Variants in FBXL17 observed in about 807,000 individuals in gnomAD.
The protein encoded by FBXL17 is F-box/LRR-repeat protein 17.
In FBXL17, 22 loss-of-function variants were observed where a neutral mutation model predicts 66.2. That is an observed-to-expected ratio of 0.33 (90% CI 0.24 to 0.47). The LOEUF (loss-of-function observed/expected upper bound fraction) is 0.47. FBXL17 is among the 20% of genes least tolerant of loss of function. The pLI is 1.00. For synonymous variants in FBXL17, 474 were observed against 400.5 expected (o/e 1.18, Z -2.19); for missense variants, 878 against 948.2 (o/e 0.93, Z 0.97).
At chr5:108,061,790 T>A (rs1299339252) in intron 6 of FBXL17, among the ~76,000 whole-genome samples, 1 of 152,032 alleles carries the variant, frequency 6.6e-6, no homozygotes, top group Non-Finnish European at 1.5e-5. Flanking sequence ...CACAGGTATA[T>A]ATATTTAATT....
chr5:108,024,964 G>A (rs1754744011), intron 6 of FBXL17, among the ~76,000 whole-genome samples: 1 of 152,148 alleles, frequency 6.6e-6, no homozygotes. Context: ...GAATTAAGCT[G>A]TGTAAGCTTC....
chr5:107,985,964 T>C (rs1008290486), intron 7 of FBXL17, among the ~76,000 whole-genome samples: 6 of 152,166 alleles, frequency 3.9e-5, no homozygotes, highest in African/African-American at 1.4e-4. Context: ...TTCTGTAGAC[T>C]ATTGTCAATG....
chr5:108,003,233 T>C (rs1188744216), intron 7 of FBXL17, among the ~76,000 whole-genome samples: 2 of 152,110 alleles, frequency 1.3e-5, no homozygotes, highest in Admixed American at 6.6e-5. Context: ...ATCACATGAA[T>C]ATGGAGTGTG....
rs535770165 is a variant in FBXL17 at position 108,365,836 on chromosome 5, A to G, written c.1117-841T>C. Among the ~76,000 whole-genome samples, 9 of 152,198 alleles carry G rather than the reference A, an allele frequency of 5.9e-5. No individual in the cohort carries two copies. In the South Asian group the frequency reaches 1.9e-3, roughly 32 times the overall value. On this transcript the variant is annotated intron_variant, in intron 2 of 8. Coordinates refer to ENST00000542267, the MANE Select transcript of FBXL17 (RefSeq NM_001163315.3). ...AGTGTGGAAAAACTCCACATATTTG[A>G]TGTCAGAAGTGGTATCAGAAAACAC...
intron 7 of FBXL17, among the ~76,000 whole-genome samples, chr5:107,905,043 G>A (rs916587846): frequency 6.6e-6 from 1 of 151,530 alleles, no homozygotes; most frequent in Admixed American, 6.6e-5. Context: ...AAACAGGGCA[G>A]CTGAACTTTT....
intron 6 of FBXL17, among the ~76,000 whole-genome samples, chr5:108,132,972 T>G (rs978870234): frequency 6.6e-6 from 1 of 152,134 alleles, no homozygotes; most frequent in African/African-American, 2.4e-5. Flanking sequence ...AAAATAAGAA[T>G]TTTAAGGGCC....
At chr5:108,016,670 T>A (rs1311290173) in intron 7 of FBXL17, among the ~76,000 whole-genome samples, 1 of 152,206 alleles carries the variant, frequency 6.6e-6, no homozygotes, top group Non-Finnish European at 1.5e-5. Flanking sequence ...GAAATACCAC[T>A]TCCTCCACAG....
At chr5:108,343,842 T>A (rs1214056537) in intron 4 of FBXL17, among the ~76,000 whole-genome samples, 2 of 152,140 alleles carry the variant, frequency 1.3e-5, no homozygotes, top group African/African-American at 2.4e-5. Context: ...ACAGCCCAAT[T>A]CAAATTAGTA....
intron 4 of FBXL17, among the ~76,000 whole-genome samples, chr5:108,239,653 C>T (rs1161572592): frequency 1.3e-5 from 2 of 152,136 alleles, no homozygotes; most frequent in Non-Finnish European, 2.9e-5. Context: ...AATTCCTAAG[C>T]AAGTCTTGTG....
At chr5:108,238,755 G>C (rs1029511407) in intron 4 of FBXL17, among the ~76,000 whole-genome samples, 1 of 152,026 alleles carries the variant, frequency 6.6e-6, no homozygotes, top group Non-Finnish European at 1.5e-5. Context: ...AAGCAATCCA[G>C]CTGCCTCAGC....
intron 8 of FBXL17, among the ~76,000 whole-genome samples, chr5:107,867,615 T>C (rs777426501): frequency 6.6e-6 from 1 of 152,248 alleles, no homozygotes; most frequent in East Asian, 1.9e-4. Flanking sequence ...TTTAATGTCA[T>C]AGTTATCTGA....
intron 6 of FBXL17, among the ~76,000 whole-genome samples, chr5:108,083,250 C>CACACACACACACACAGAG (rs369652150): frequency 3.4e-5 from 5 of 145,582 alleles, no homozygotes; most frequent in African/African-American, 1.3e-4. Context: ...CACACACACA[C>CACACACACACACACAGAG]AGAGAGAGAG....
At chr5:108,064,662 T>A (rs1233249767) in intron 6 of FBXL17, among the ~76,000 whole-genome samples, 2 of 152,226 alleles carry the variant, frequency 1.3e-5, no homozygotes, top group African/African-American at 4.8e-5. Context: ...AATTTTAGAA[T>A]AAAACATTAT....
intron 7 of FBXL17, among the ~76,000 whole-genome samples, chr5:107,903,506 T>G (rs901835634): frequency 5.9e-5 from 9 of 152,156 alleles, no homozygotes; most frequent in Non-Finnish European, 1.0e-4. Context: ...ATAGATCTTA[T>G]TTTACAGAAG....
chr5:108,313,365 C>G (rs1210239182), intron 4 of FBXL17, among the ~76,000 whole-genome samples: 1 of 152,056 alleles, frequency 6.6e-6, no homozygotes, highest in Non-Finnish European at 1.5e-5. Context: ...AAACAACAGC[C>G]CAAGCTGTCT....
intron 6 of FBXL17, among the ~76,000 whole-genome samples, chr5:108,182,968 T>C (rs972652338): frequency 5.3e-5 from 8 of 152,006 alleles, no homozygotes; most frequent in Non-Finnish European, 7.4e-5. Context: ...ATGACTCTTC[T>C]ACACATGTCC....
chr5:108,002,244 G>C (rs1178768876), intron 7 of FBXL17, among the ~76,000 whole-genome samples: 1 of 133,916 alleles, frequency 7.5e-6, no homozygotes, highest in African/African-American at 2.9e-5. Flanking sequence ...GGCTGGTCTT[G>C]AACTCCTGAC....
chr5:108,243,334 A>G (rs377246257), intron 4 of FBXL17, among the ~76,000 whole-genome samples: 5 of 152,360 alleles, frequency 3.3e-5, no homozygotes, highest in African/African-American at 1.2e-4. Flanking sequence ...AATCCAAATG[A>G]AACAGCTTAT....
chr5:108,014,913 A>G (rs1371077734), intron 7 of FBXL17, among the ~76,000 whole-genome samples: 1 of 152,152 alleles, frequency 6.6e-6, no homozygotes, highest in Non-Finnish European at 1.5e-5. Context: ...TGAACAGGGG[A>G]AACCTCTTAT....
Sources: allele counts gnomAD v4.1 joint callset (sites outside exome capture counted in the v4.1 genomes callset), GRCh38; gene constraint gnomAD v4.1.1; transcripts MANE v1.5; gene names NCBI Gene and HGNC (gene_info 2026-07-23, HGNC 2026-07-21).